The following ARL15 variants were observed in gnomAD, a reference collection of about 807,000 sequenced individuals.
ARL15 encodes ARF like GTPase 15.
A neutral mutation model predicts 25.2 loss-of-function variants in ARL15; 19 were observed. That is an observed-to-expected ratio of 0.75 (90% confidence interval 0.53 to 1.10). The LOEUF (loss-of-function observed/expected upper bound fraction) is 1.10, where lower values mean the gene tolerates loss of function less well. Among genes scored for constraint, ARL15 ranks in the 50% least tolerant of loss-of-function variants. The probability of loss-of-function intolerance (pLI) is 0.00; values close to 1 mark genes in which losing one functional copy is unlikely to be tolerated. For synonymous variants in ARL15, 94 were observed against 86.8 expected (o/e 1.08, Z -0.46); for missense variants, 220 against 246.0 (o/e 0.89, Z 0.71).
chr5:54,290,536 G>C lies in ARL15; in HGVS notation c.48+19896C>G, dbSNP rs796958295. 3.9e-5 allele frequency among the ~76,000 whole-genome samples: 6 copies of C among 152,010 alleles called. No individual in the cohort carries two copies. In the South Asian group the frequency reaches 6.2e-4, roughly 16 times the overall value. On this transcript the variant is annotated intron_variant, in intron 1 of 4. Transcript: ENST00000504924. Reference sequence around the variant, plus strand: ...TTGGCCAGGATGGTCTCGATCTCCTGATCTCATGATCCGCCCTCCTTGGCC... The same window carrying C: ...TTGGCCAGGATGGTCTCGATCTCCTCATCTCATGATCCGCCCTCCTTGGCC...
intron 1 of ARL15, among the ~76,000 whole-genome samples, chr5:54,300,738 T>C (rs1315440521): frequency 6.6e-6 from 1 of 152,222 alleles, no homozygotes; most frequent in Admixed American, 6.5e-5. Flanking sequence ...CCTTCCTGGT[T>C]GTGAACACCA....
chr5:54,125,011 G>A (rs541051004), intron 3 of ARL15, among the ~76,000 whole-genome samples: 1 of 152,124 alleles, frequency 6.6e-6, no homozygotes, highest in East Asian at 1.9e-4. Flanking sequence ...TCCTTGAATA[G>A]GTATCTTCTG....
chr5:54,078,712 G>A (rs201594443), intron 4 of ARL15, among the ~76,000 whole-genome samples: 11 of 126,878 alleles, frequency 8.7e-5, no homozygotes, highest in Middle Eastern at 4.3e-3. Flanking sequence ...AAACAATTAT[G>A]AGCATCATTC....
At chr5:54,269,796 C>A (rs1757733325) in intron 1 of ARL15, among the ~76,000 whole-genome samples, 2 of 152,172 alleles carry the variant, frequency 1.3e-5, no homozygotes, top group South Asian at 2.1e-4. Flanking sequence ...CAGATGCCTG[C>A]CACCACACCC....
Position 54,160,441 on chromosome 5 carries a change from T to C in ARL15, c.194-5802A>G, listed in dbSNP as rs139458108. 3.3e-4 allele frequency among the ~76,000 whole-genome samples: 50 copies of C among 152,280 alleles called. 1 individual carries two copies. The highest frequency in any genetic ancestry group is 8.7e-4 in the African/African-American group (36 of 41,560). On this transcript the variant is annotated intron_variant, in intron 2 of 4. Transcript: ENST00000504924. ...TCAGTTTTCTCTAGGTTATTCTCCA[T>C]GTACCATCAATATATTCTCCTAAGC...
intron 4 of ARL15, among the ~76,000 whole-genome samples, chr5:54,100,137 A>T (rs957663566): frequency 1.3e-5 from 2 of 152,122 alleles, no homozygotes; most frequent in Admixed American, 1.3e-4. Context: ...TAAAGAAAAC[A>T]CCAGAACATT....
At chr5:54,100,550 T>C (rs1752406220) in intron 4 of ARL15, among the ~76,000 whole-genome samples, 1 of 152,116 alleles carries the variant, frequency 6.6e-6, no homozygotes, top group Non-Finnish European at 1.5e-5. Context: ...GTGAAATTAC[T>C]GCACATGGTT....
intron 1 of ARL15, among the ~76,000 whole-genome samples, chr5:54,239,970 G>C (rs1398256828): frequency 1.3e-5 from 2 of 152,180 alleles, no homozygotes; most frequent in Non-Finnish European, 2.9e-5. Flanking sequence ...GCTCAGGCCT[G>C]TAATCCCAGC....
At chr5:54,041,974 G>GT (rs1339441559) in intron 4 of ARL15, among the ~76,000 whole-genome samples, 6,253 of 141,440 alleles carry the variant, frequency 0.044, 139 homozygotes, top group African/African-American at 0.064. Context: ...TTTCGTTTTT[G>GT]TTTTTTTTTT....
At chr5:54,079,376 T>A (rs529040663) in intron 4 of ARL15, among the ~76,000 whole-genome samples, 67 of 152,238 alleles carry the variant, frequency 4.4e-4, no homozygotes, top group African/African-American at 1.4e-3. Flanking sequence ...CAGAAACAAG[T>A]AACAAGCAAA....
chr5:54,172,249 A>G (rs369195095), intron 1 of ARL15, among the ~76,000 whole-genome samples: 1 of 152,220 alleles, frequency 6.6e-6, no homozygotes, highest in South Asian at 2.1e-4. Context: ...TGAGGAAACC[A>G]GATAAAGCCA....
rs186625781 is a variant in ARL15 at position 54,023,522 on chromosome 5, T to G, written c.462+89680A>C. 6.9e-3 allele frequency among the ~76,000 whole-genome samples: 789 copies of G among 114,728 alleles called. 3 individuals carry two copies. Among genetic ancestry groups the G allele is most frequent in the Admixed American group, 0.017 (165 of 9,470 alleles). The allele number at this position is 114,728 out of a possible 152,430, so 75.3% of individuals were successfully genotyped here. On this transcript the variant is annotated intron_variant, in intron 4 of 4. Transcript: ENST00000504924. ...TTGATCATGGTGGTGATTACCCAAA[T>G]CTACACATGTGAAAAAAAAAAAAGA... is the stretch of plus-strand genomic sequence containing the variant.
At chr5:54,093,391 T>C (rs1212500919) in intron 4 of ARL15, among the ~76,000 whole-genome samples, 2 of 152,110 alleles carry the variant, frequency 1.3e-5, no homozygotes, top group Non-Finnish European at 1.5e-5. Flanking sequence ...CCGAGAAAAC[T>C]TGGGCAGCAT....
At chr5:54,169,590 T>G (rs1187999821) in intron 2 of ARL15, among the ~76,000 whole-genome samples, 1 of 152,208 alleles carries the variant, frequency 6.6e-6, no homozygotes, top group Non-Finnish European at 1.5e-5. Context: ...TAGATTCAAT[T>G]TACTTTCATT....
intron 1 of ARL15, among the ~76,000 whole-genome samples, chr5:54,274,057 G>A (rs1173987067): frequency 1.3e-5 from 2 of 152,218 alleles, no homozygotes; most frequent in Non-Finnish European, 2.9e-5. Context: ...AACTAGGGTA[G>A]AAGAGATCAA....
chr5:54,013,858 C>T (rs1269936167), intron 4 of ARL15, among the ~76,000 whole-genome samples: 1 of 150,278 alleles, frequency 6.7e-6, no homozygotes, highest in Admixed American at 6.6e-5. Flanking sequence ...ACCCAACAAA[C>T]TACCCTTGAA....
At chr5:53,917,168 G>C (rs1482505664) in intron 4 of ARL15, among the ~76,000 whole-genome samples, 2 of 152,182 alleles carry the variant, frequency 1.3e-5, no homozygotes, top group Non-Finnish European at 2.9e-5. Context: ...ACTTGCCTGA[G>C]AAAAGCCTTT....
chr5:54,285,623 T>TA (rs1308070138), intron 1 of ARL15, among the ~76,000 whole-genome samples: 1 of 152,174 alleles, frequency 6.6e-6, no homozygotes, highest in Non-Finnish European at 1.5e-5. Flanking sequence ...TTCTCCTCTA[T>TA]AATTCTGCTT....
chr5:53,965,047 A>C (rs1454949981), intron 4 of ARL15, among the ~76,000 whole-genome samples: 2 of 152,232 alleles, frequency 1.3e-5, no homozygotes, highest in African/African-American at 2.4e-5. Context: ...AATCTTTGCC[A>C]GGAAGTCCTA....
Sources: gnomAD v4.1 joint callset for allele counts (sites outside exome capture counted in the v4.1 genomes callset) on GRCh38, gnomAD v4.1.1 for gene constraint, MANE v1.5 for transcripts, NCBI Gene and HGNC (gene_info 2026-07-23, HGNC 2026-07-21) for gene names.